Variants in FADS2 observed in about 807,000 individuals in gnomAD.
The protein encoded by FADS2 is acyl-CoA 6-desaturase.
FADS2 carries 18 observed loss-of-function variants against 61.2 expected under a neutral mutation model. The observed-to-expected ratio is 0.29, with a 90% CI of 0.20 to 0.44. The LOEUF (loss-of-function observed/expected upper bound fraction) is 0.44. FADS2 is among the 20% of genes least tolerant of loss of function. The pLI is 1.00. For synonymous variants in FADS2, 203 were observed against 223.9 expected (o/e 0.91, Z 0.83); for missense variants, 322 against 572.7 (o/e 0.56, Z 4.47).
chr11:61,821,678 C>T (rs1027534958), intron 1 of FADS2, among the ~76,000 whole-genome samples: 1 of 152,162 alleles, frequency 6.6e-6, no homozygotes, highest in African/African-American at 2.4e-5. Flanking sequence ...AATTGGATAA[C>T]TTATGGGGGT....
intron 5 of FADS2, among the ~76,000 whole-genome samples, chr11:61,853,290 C>CCCTCCCTCCCTTCCTTCCTTCCTT (rs1487391139): frequency 1.2e-5 from 1 of 81,690 alleles, no homozygotes. Context: ...CTCCCTCCCT[C>CCCTCCCTCCCTTCCTTCCTTCCTT]CCTTCCTTCC....
intron 1 of FADS2, among the ~76,000 whole-genome samples, chr11:61,831,942 G>A (rs2067133807): frequency 6.6e-6 from 1 of 152,192 alleles, no homozygotes; most frequent in Admixed American, 6.5e-5. Flanking sequence ...CACCACTGCA[G>A]AACTGTTCAT....
upstream of FADS2, chr11:61,825,992 G>C (rs767654948): frequency 7.9e-5 from 54 of 683,400 alleles, no homozygotes; most frequent in Non-Finnish European, 1.3e-4. Context: ...CCCTCTCCTC[G>C]AGCACTGCCC....
rs1461625336 is a variant in FADS2 at position 61,840,666 on chromosome 11, G to A, written c.559G>A (p.Val187Ile). ...WLQHDYGHLS[V>I]YRKPKWNHLV... ...GCAACATGATTATGGCCACCTGTCT[G>A]TCTACAGAAAACCCAAGTGGAACCA... The change falls in exon 4 of 12, where the codon GTC (valine) becomes ATC (isoleucine). Residue 187 changes from valine (V) to isoleucine (I), a missense_variant. Coordinates refer to ENST00000278840, the MANE Select transcript of FADS2 (RefSeq NM_004265.4). 5 of 1,614,206 alleles carry A rather than the reference G, an allele frequency of 3.1e-6. No homozygotes were observed. The highest frequency in any genetic ancestry group is 4.2e-6 in the Non-Finnish European group (5 of 1,180,034).
intron 10 of FADS2, chr11:61,864,284 G>A (rs906324372): frequency 6.6e-6 from 1 of 152,554 alleles, no homozygotes; most frequent in African/African-American, 2.4e-5. Context: ...GCTCACTGCA[G>A]CCTCGAACGC....
intron 5 of FADS2, among the ~76,000 whole-genome samples, chr11:61,850,926 C>T (rs1377273845): frequency 2.6e-5 from 4 of 152,114 alleles, no homozygotes; most frequent in African/African-American, 7.2e-5. Flanking sequence ...GTTTGTACAC[C>T]CTCTTCTTAT....
chr11:61,858,107 C>T (rs2067379696), intron 7 of FADS2, among the ~76,000 whole-genome samples: 1 of 152,114 alleles, frequency 6.6e-6, no homozygotes, highest in Non-Finnish European at 1.5e-5. Context: ...TGGCTTTCGT[C>T]CTCCCTCTCG....
intron 5 of FADS2, among the ~76,000 whole-genome samples, chr11:61,853,280 C>T (rs56201251): frequency 1.1e-5 from 1 of 91,422 alleles, no homozygotes; most frequent in African/African-American, 4.5e-5. Flanking sequence ...CCTCCCTTCC[C>T]TCCCTCCCTC....
chr11:61,855,603 G>A (rs1448510558), intron 5 of FADS2: 1 of 152,260 alleles, frequency 6.6e-6, no homozygotes, highest in Non-Finnish European at 1.5e-5. Context: ...AGAACAAAGG[G>A]ACTGTTTCTG....
chr11:61,818,117 T>C (rs367948476), intron 1 of FADS2, among the ~76,000 whole-genome samples: 20 of 152,354 alleles, frequency 1.3e-4, no homozygotes, highest in African/African-American at 4.8e-4. Flanking sequence ...AGCACTGAGC[T>C]AGATTCTGAG....
chr11:61,843,230 G>T (rs1378443936), intron 4 of FADS2, among the ~76,000 whole-genome samples: 1 of 152,212 alleles, frequency 6.6e-6, no homozygotes, highest in African/African-American at 2.4e-5. Flanking sequence ...AAGAGTTTGA[G>T]ACCAGCCTGG....
At chr11:61,817,927 A>G (rs2067001469) in intron 1 of FADS2, among the ~76,000 whole-genome samples, 1 of 152,238 alleles carries the variant, frequency 6.6e-6, no homozygotes, top group South Asian at 2.1e-4. Context: ...TGAGGTTGGA[A>G]CAATTAACCT....
upstream of FADS2, among the ~76,000 whole-genome samples, chr11:61,824,437 AGGGAGGGAGG>A (rs1565325185): frequency 4.4e-3 from 20 of 4,552 alleles, no homozygotes; most frequent in East Asian, 0.08. Flanking sequence ...AGAGAGAGGG[AGGGAGGGAGG>A]GAGGGAGGGA....
chr11:61,834,836 C>T (rs1373589866), intron 1 of FADS2, among the ~76,000 whole-genome samples: 4 of 152,082 alleles, frequency 2.6e-5, no homozygotes, highest in South Asian at 2.1e-4. Context: ...GCAGCTCCTC[C>T]GGGCCTCTCC....
intron 7 of FADS2, among the ~76,000 whole-genome samples, chr11:61,858,050 T>A (rs1165268794): frequency 2.0e-5 from 3 of 152,210 alleles, no homozygotes; most frequent in African/African-American, 7.2e-5. Context: ...GGTGGATTCC[T>A]TAGGGCTCTG....
At chr11:61,826,449 C>T (rs368579708), upstream of FADS2, 938 of 617,286 alleles carry the variant, frequency 1.5e-3, 6 homozygotes, top group East Asian at 3.7e-3. Context: ...TCAGCTATCA[C>T]TCCCTGCTCC....
At chr11:61,853,483 C>G (rs2067328617) in intron 5 of FADS2, among the ~76,000 whole-genome samples, 1 of 151,936 alleles carries the variant, frequency 6.6e-6, no homozygotes, top group African/African-American at 2.4e-5. Flanking sequence ...TTGTTTTGTT[C>G]TTCTTTTGCC....
Position 61,816,967 on chromosome 11 carries a change from C to G in FADS2, c.141+541C>G, listed in dbSNP as rs1458217575. On this transcript the variant is annotated intron_variant, in intron 1 of 11. Transcript: ENST00000257261. The surrounding 1 kb of genome is among the most constrained non-coding windows in gnomAD (Gnocchi z 7.0). The stretch of plus-strand genomic sequence containing the variant: ...GTGGCGCGGGGAGCGAGATCCCGTC[C>G]CCCGGTGGGTCTTGGGCAACTCACA... 1 of 1,369,138 alleles carries G rather than the reference C, an allele frequency of 7.3e-7. No individual in the cohort carries two copies. Among genetic ancestry groups the G allele is most frequent in the Non-Finnish European group, 9.4e-7 (1 of 1,069,146 alleles). The allele number at this position is 1,369,138 out of a possible 1,614,324, so 84.8% of individuals were successfully genotyped here.
At chr11:61,826,407 A>G (rs1384023256), upstream of FADS2, 2 of 701,898 alleles carry the variant, frequency 2.8e-6, no homozygotes, top group African/African-American at 3.5e-5. Flanking sequence ...GAACCTTCAA[A>G]GCCTCTGTGA....
Sources: gnomAD v4.1 joint callset for allele counts (sites outside exome capture counted in the v4.1 genomes callset) on GRCh38, gnomAD v4.1.1 for gene constraint, Gnocchi (gnomAD v3.1) non-coding constraint, MANE v1.5 for transcripts, NCBI Gene and HGNC (gene_info 2026-07-23, HGNC 2026-07-21) for gene names.